The following MAP3K20 variants were observed in gnomAD, a reference collection of about 807,000 sequenced individuals.
The protein encoded by MAP3K20 is HCCS-4.
MAP3K20 carries 40 observed loss-of-function variants against 85.7 expected under a neutral mutation model. The observed-to-expected ratio is 0.47, with a 90% CI of 0.36 to 0.61. MAP3K20 has a LOEUF of 0.61. Ranked by LOEUF, MAP3K20 falls within the 20% of genes least tolerant of loss-of-function variation. The pLI is 0.00. For missense variants in MAP3K20, 817 were observed against 961.7 expected, an observed-to-expected ratio of 0.85 and a Z score of 1.99; for synonymous variants, 325 against 327.7, an observed-to-expected ratio of 0.99 and a Z score of 0.09.
chr2:173,148,022 C>T (rs1689185870), intron 2 of MAP3K20, among the ~76,000 whole-genome samples: 1 of 152,054 alleles, frequency 6.6e-6, no homozygotes, highest in Non-Finnish European at 1.5e-5. Flanking sequence ...CTGACTTTGA[C>T]CGAGAAGCAT....
At chr2:173,177,443 A>ATT (rs71403359) in intron 3 of MAP3K20, among the ~76,000 whole-genome samples, 15,709 of 126,244 alleles carry the variant, frequency 0.12, 1,612 homozygotes, top group African/African-American at 0.23. Context: ...ATCACAATAG[A>ATT]TTTTTTTTTT....
chr2:173,258,287 CAAGA>C (rs1685204961), intron 16 of MAP3K20, among the ~76,000 whole-genome samples: 1 of 152,094 alleles, frequency 6.6e-6, no homozygotes, highest in Non-Finnish European at 1.5e-5. Flanking sequence ...CCTTATGTTT[CAAGA>C]AAGGTAGAAA....
intron 2 of MAP3K20, among the ~76,000 whole-genome samples, chr2:173,152,773 T>C (rs745590289): frequency 2.0e-5 from 3 of 152,166 alleles, no homozygotes; most frequent in Non-Finnish European, 4.4e-5. Flanking sequence ...GTAGGTCAAC[T>C]CTAGTAATTT....
At chr2:173,170,134 G>A (rs1348030414) in intron 3 of MAP3K20, among the ~76,000 whole-genome samples, 1 of 152,068 alleles carries the variant, frequency 6.6e-6, no homozygotes, top group Non-Finnish European at 1.5e-5. Context: ...AAATGCACTC[G>A]CAGCTGCAAT....
chr2:173,232,572 T>C (rs550944405), intron 14 of MAP3K20, 113 bp downstream of exon 14: 2 of 1,484,994 alleles, frequency 1.3e-6, no homozygotes, highest in African/African-American at 1.4e-5. Flanking sequence ...GGCACAATCT[T>C]GGCTCGTTGC....
intron 16 of MAP3K20, among the ~76,000 whole-genome samples, chr2:173,247,805 C>T (rs1419479410): frequency 2.0e-5 from 3 of 152,272 alleles, no homozygotes; most frequent in African/African-American, 4.8e-5. Context: ...TAGGTGCATA[C>T]ATTACCTACC....
intron 1 of MAP3K20, among the ~76,000 whole-genome samples, chr2:173,084,020 A>G (rs1418757960): frequency 6.6e-6 from 1 of 152,192 alleles, no homozygotes; most frequent in Admixed American, 6.5e-5. Context: ...ATAAAACCAC[A>G]AGATAGAAAC....
intron 2 of MAP3K20, among the ~76,000 whole-genome samples, chr2:173,103,172 T>C (rs544526673): frequency 2.2e-4 from 34 of 152,368 alleles, no homozygotes; most frequent in Non-Finnish European, 3.8e-4. Flanking sequence ...AACAAATCTT[T>C]AAAGTTGTGA....
Position 173,201,276 on chromosome 2 carries a change from A to G in MAP3K20, c.670-2520A>G, listed in dbSNP as rs146297357. ...CTAAACTTTACAAAGTAAACAATGA[A>G]CCTTTATAGAAGGCATGAAATTAAG... On this transcript the variant is annotated intron_variant, in intron 8 of 19. Transcript: ENST00000375213. Among the ~76,000 whole-genome samples the G allele has an allele frequency of 2.0e-4, 31 of 152,274 alleles. No homozygotes were observed. In the East Asian group the frequency reaches 6.0e-3, roughly 29 times the overall value.
At chr2:173,104,472 A>T (rs1203395214) in intron 2 of MAP3K20, among the ~76,000 whole-genome samples, 1 of 152,230 alleles carries the variant, frequency 6.6e-6, no homozygotes, top group African/African-American at 2.4e-5. Context: ...TGATGAATAT[A>T]CACAGTGTGG....
intron 2 of MAP3K20, among the ~76,000 whole-genome samples, chr2:173,123,055 G>A (rs192634479): frequency 2.0e-5 from 3 of 152,164 alleles, no homozygotes; most frequent in African/African-American, 7.2e-5. Context: ...TAGTTGAGGT[G>A]GTTGGGTATG....
intron 16 of MAP3K20, among the ~76,000 whole-genome samples, chr2:173,242,615 A>G (rs1684814313): frequency 6.6e-6 from 1 of 150,912 alleles, no homozygotes; most frequent in Non-Finnish European, 1.5e-5. Context: ...AGACTTCTTG[A>G]GTCATAGATT....
At chr2:173,225,922 A>G (rs1398208925) in intron 11 of MAP3K20, 7 of 972,106 alleles carry the variant, frequency 7.2e-6, no homozygotes, top group South Asian at 4.7e-5. Flanking sequence ...AAAAAAAAAG[A>G]AAAAAAACTC....
chr2:173,221,609 C>A, intron 11 of MAP3K20: 1 of 1,381,094 alleles, frequency 7.2e-7, no homozygotes, highest in Admixed American at 2.9e-5. Flanking sequence ...TGTACAAAAA[C>A]AGTAAGGAGG....
At chr2:173,111,228 T>C (rs1266890433) in intron 2 of MAP3K20, among the ~76,000 whole-genome samples, 1 of 152,264 alleles carries the variant, frequency 6.6e-6, no homozygotes, top group African/African-American at 2.4e-5. Context: ...TTTGCATATC[T>C]TCTTTTGAGA....
intron 10 of MAP3K20, chr2:173,212,064 AAG>A (rs1314049855): frequency 6.6e-6 from 1 of 152,224 alleles, no homozygotes; most frequent in Non-Finnish European, 1.5e-5. Context: ...TTGGGGAAGC[AAG>A]AGAGAAAATT....
intron 2 of MAP3K20, among the ~76,000 whole-genome samples, chr2:173,148,879 A>G (rs1296991152): frequency 1.3e-5 from 2 of 152,220 alleles, no homozygotes; most frequent in African/African-American, 2.4e-5. Flanking sequence ...CTGAGGTTCC[A>G]TTAATACCTC....
chr2:173,106,485 T>C (rs1687786320), intron 2 of MAP3K20, among the ~76,000 whole-genome samples: 1 of 152,212 alleles, frequency 6.6e-6, no homozygotes, highest in African/African-American at 2.4e-5. Context: ...AATGTCTATA[T>C]TGAAAAAATT....
At chr2:173,080,699 C>G (rs1320055706) in intron 1 of MAP3K20, among the ~76,000 whole-genome samples, 3 of 152,188 alleles carry the variant, frequency 2.0e-5, no homozygotes, top group Non-Finnish European at 4.4e-5. Flanking sequence ...GCACTCAGCT[C>G]TTCCAGCTAA....
Sources: allele counts gnomAD v4.1 joint callset (sites outside exome capture counted in the v4.1 genomes callset), GRCh38; gene constraint gnomAD v4.1.1; transcripts MANE v1.5; gene names NCBI Gene and HGNC (gene_info 2026-07-23, HGNC 2026-07-21).